Variants in ANK3 observed in about 807,000 individuals in gnomAD.
The protein encoded by ANK3 is ankyrin 3, also known as ankyrin-3.
A neutral mutation model predicts 370.9 loss-of-function variants in ANK3; 57 were observed. That is an observed-to-expected ratio of 0.15 (90% CI 0.12 to 0.19). The LOEUF is 0.19. Among genes scored for constraint, ANK3 ranks in the 10% least tolerant of loss-of-function variants. ANK3 has a pLI of 1.00. For synonymous variants in ANK3, 1,929 were observed against 1,946.3 expected (o/e 0.99, Z 0.23); for missense variants, 4,439 against 5,302.1 (o/e 0.84, Z 5.06).
Position 60,063,157 on chromosome 10 carries a change from G to T in ANK3, c.12549C>A (p.Thr4183=). The T allele has an allele frequency of 1.2e-6, 2 of 1,613,354 alleles. No homozygotes were observed. Among genetic ancestry groups the T allele is most frequent in the Non-Finnish European group, 1.7e-6 (2 of 1,179,732 alleles). Reference sequence around the variant, plus strand: ...CATTGTTCTCATCTGCAAAACTTCTGGTGCCTGAAATATTTCCATAATCAA... The same window carrying T: ...CATTGTTCTCATCTGCAAAACTTCTTGTGCCTGAAATATTTCCATAATCAA... ...PIFDYGNISG[T]RSFADENNVF... The change falls in exon 40 of 44, where the codon ACC becomes ACA. Residue 4183 remains threonine, a synonymous_variant. Coordinates refer to ENST00000280772, the MANE Select transcript of ANK3 (RefSeq NM_020987.5).
chr10:60,385,043 T>C (rs72806131), intron 1 of ANK3, among the ~76,000 whole-genome samples: 16,190 of 152,166 alleles, frequency 0.11, 959 homozygotes, highest in South Asian at 0.14. Flanking sequence ...GCTTGAGTGA[T>C]GGCTCTACCC....
chr10:60,160,311 T>C lies in ANK3; in HGVS notation c.2614+6280A>G, dbSNP rs555613389. Among the ~76,000 whole-genome samples, 23 of 152,104 alleles carry C rather than the reference T, an allele frequency of 1.5e-4. 1 individual carries two copies. In the South Asian group the frequency reaches 4.8e-3, roughly 32 times the overall value. On this transcript the variant is annotated intron_variant, in intron 23 of 43. Coordinates refer to ENST00000280772, the MANE Select transcript of ANK3 (RefSeq NM_020987.5). ...AATAAATTGGGAAACCTGTCAGAAA[T>C]GGATAAATTATTAGACACATAAAGC... is the stretch of plus-strand genomic sequence containing the variant.
Position 60,186,730 on chromosome 10 carries a change from C to T in ANK3, c.2070G>A (p.Val690=). Residue 690 remains valine (V), a synonymous_variant, in exon 17 of 44, where the codon GTG becomes GTA. Coordinates refer to ENST00000280772, the MANE Select transcript of ANK3 (RefSeq NM_020987.5). Reference sequence around the variant, plus strand: ...AGTGGGTTACCTTATTGCTCAGGTTCACATTCGCATTTCTACCGAGGAGCA... The same window carrying T: ...AGTGGGTTACCTTATTGCTCAGGTTTACATTCGCATTTCTACCGAGGAGCA... ...VSLLLGRNAN[V]NLSNKSGLTP... The T allele has an allele frequency of 1.9e-6, 3 of 1,613,958 alleles. No homozygotes were observed. Among genetic ancestry groups the T allele is most frequent in the Non-Finnish European group, 2.5e-6 (3 of 1,179,912 alleles).
chr10:60,671,464 A>G (rs2079063652), intron 1 of ANK3, among the ~76,000 whole-genome samples: 1 of 152,222 alleles, frequency 6.6e-6, no homozygotes, highest in African/African-American at 2.4e-5. Flanking sequence ...GGGTCCTCCC[A>G]TTTACACTCT....
intron 8 of ANK3, among the ~76,000 whole-genome samples, chr10:60,229,958 T>C (rs1329834350): frequency 6.6e-6 from 1 of 152,156 alleles, no homozygotes; most frequent in Non-Finnish European, 1.5e-5. Flanking sequence ...GGCAACTCGC[T>C]AGAAAGGCTA....
At chr10:60,651,144 T>C (rs929518058) in intron 1 of ANK3, among the ~76,000 whole-genome samples, 3 of 152,176 alleles carry the variant, frequency 2.0e-5, no homozygotes, top group African/African-American at 4.8e-5. Flanking sequence ...TTTATGTATA[T>C]GAATGTGTAC....
At chr10:60,395,520 C>G (rs749933567) in intron 2 of ANK3, among the ~76,000 whole-genome samples, 1 of 151,094 alleles carries the variant, frequency 6.6e-6, no homozygotes, top group South Asian at 2.1e-4. Flanking sequence ...ATCAAACAAG[C>G]AGAGAACACT....
chr10:60,343,263 T>G (rs538582864), intron 1 of ANK3, among the ~76,000 whole-genome samples: 1 of 152,282 alleles, frequency 6.6e-6, no homozygotes, highest in African/African-American at 2.4e-5. Context: ...AAGTTAGTGG[T>G]TTTGCATTCA....
chr10:60,156,483 G>A lies in ANK3; in HGVS notation c.2614+10108C>T, dbSNP rs76392325. On this transcript the variant is annotated intron_variant, in intron 23 of 43. Transcript: ENST00000280772. ...TGGGGTGAGCCCCAGCACTGTGCTGGGCTACAAGGCTTTACATGTGACCCT... is the reference window on the plus strand; with the variant it reads ...TGGGGTGAGCCCCAGCACTGTGCTGAGCTACAAGGCTTTACATGTGACCCT... Among the ~76,000 whole-genome samples, 1,331 of 152,138 alleles carry A rather than the reference G, an allele frequency of 8.7e-3. 26 individuals carry two copies. Among genetic ancestry groups the A allele is most frequent in the African/African-American group, 0.03 (1,256 of 41,502 alleles).
chr10:60,313,279 C>G (rs191486955), intron 1 of ANK3, among the ~76,000 whole-genome samples: 1 of 152,044 alleles, frequency 6.6e-6, no homozygotes. Flanking sequence ...TTAAAGGAAG[C>G]CAGTAACTTC....
In ANK3 at chr10:60,060,183, G is replaced by A. The variant is rs1190535413; in HGVS notation, c.12596-753C>T. 6.4e-6 allele frequency: 3 copies of A among 465,426 alleles called. No homozygotes were observed. In the East Asian group the frequency reaches 9.8e-5, roughly 15 times the overall value. 28.8% of individuals were successfully genotyped at this position (465,426 alleles called of 1,614,324 possible). A position where few individuals can be genotyped will look rare whatever the true frequency, so the allele number is the denominator to read the frequency against. The stretch of plus-strand genomic sequence containing the variant: ...GTAACACAATGAAATAAAAAGCCTA[G>A]TGCAAACTCCAATAAAATAGAATAC... On this transcript the variant is annotated intron_variant, in intron 40 of 43. Coordinates refer to ENST00000280772, the MANE Select transcript of ANK3 (RefSeq NM_020987.5).
chr10:60,274,881 T>C (rs565108089), intron 4 of ANK3, among the ~76,000 whole-genome samples: 3 of 152,334 alleles, frequency 2.0e-5, no homozygotes, highest in African/African-American at 7.2e-5. Flanking sequence ...AACCATTTAG[T>C]TATGATTCTA....
chr10:60,051,122 G>A (rs2131895058), intron 42 of ANK3, among the ~76,000 whole-genome samples: 1 of 152,044 alleles, frequency 6.6e-6, no homozygotes, highest in East Asian at 1.9e-4. Flanking sequence ...CAGTTTCTAA[G>A]GTTTCAATTA....
intron 2 of ANK3, among the ~76,000 whole-genome samples, chr10:60,535,878 G>C (rs1240775706): frequency 6.6e-6 from 1 of 151,726 alleles, no homozygotes; most frequent in Non-Finnish European, 1.5e-5. Flanking sequence ...CAATGATAAT[G>C]AAACAATGGT....
intron 2 of ANK3, among the ~76,000 whole-genome samples, chr10:60,596,563 A>T (rs984650419): frequency 1.3e-5 from 2 of 152,172 alleles, no homozygotes; most frequent in East Asian, 3.8e-4. Context: ...TTTAGAATAC[A>T]TGTTGAGAAG....
chr10:60,673,747 A>G (rs752757698), intron 1 of ANK3, among the ~76,000 whole-genome samples: 2 of 152,170 alleles, frequency 1.3e-5, no homozygotes, highest in Non-Finnish European at 2.9e-5. Flanking sequence ...CCTTCTTTTG[A>G]GTGCTGCTCT....
At chr10:60,368,784 A>G (rs2059731466) in intron 1 of ANK3, among the ~76,000 whole-genome samples, 1 of 152,216 alleles carries the variant, frequency 6.6e-6, no homozygotes, top group South Asian at 2.1e-4. Context: ...GTACTTCTGA[A>G]TAATTCTCTA....
chr10:60,240,373 C>T (rs1439871811), intron 7 of ANK3, among the ~76,000 whole-genome samples: 8 of 146,588 alleles, frequency 5.5e-5, no homozygotes, highest in South Asian at 2.1e-4. Context: ...GGCATGATTT[C>T]GGCTCACCAC....
chr10:60,211,495 A>G (rs1051436191), intron 9 of ANK3, among the ~76,000 whole-genome samples: 17 of 152,180 alleles, frequency 1.1e-4, no homozygotes, highest in African/African-American at 3.9e-4. Flanking sequence ...CTCATCTATG[A>G]AAAGGGAATA....
Sources: allele counts gnomAD v4.1 joint callset (sites outside exome capture counted in the v4.1 genomes callset), GRCh38; gene constraint gnomAD v4.1.1; transcripts MANE v1.5; gene names NCBI Gene and HGNC (gene_info 2026-07-23, HGNC 2026-07-21).